The following REPS2 variants were observed in gnomAD, a reference collection of about 807,000 sequenced individuals.
REPS2 encodes the protein ralBP1-associated Eps domain-containing protein 2.
Under a neutral mutation model 53.6 loss-of-function variants are expected in REPS2, and 23 were observed. That is an observed-to-expected ratio of 0.43 (90% CI 0.31 to 0.61). The LOEUF is 0.61. REPS2 is among the 20% of genes least tolerant of loss of function. The pLI is 0.11. For missense variants in REPS2, 446 were observed against 534.9 expected (o/e 0.83, Z 1.64); for synonymous variants, 238 against 218.6 (o/e 1.09, Z -0.78).
rs2063543391 is a variant in REPS2 at position 17,149,061 on chromosome X, A to G, written c.*1580A>G. On this transcript the variant is annotated 3_prime_UTR_variant, in exon 18 of 18. Coordinates refer to ENST00000357277, the MANE Select transcript of REPS2 (RefSeq NM_004726.3). ...CAGATGATGTTTTTTCCACAGAAAA[A>G]CAAATTGTTGAATCTATTCCGTGCA... is the stretch of plus-strand genomic sequence containing the variant. 2.8e-6 allele frequency: 1 copy of G among 353,182 alleles called. No homozygotes were observed. The highest frequency in any genetic ancestry group is 2.6e-5 in the African/African-American group (1 of 38,445). 29.1% of individuals were successfully genotyped at this position (353,182 alleles called of 1,213,427 possible).
At chrX:17,034,060 G>A (rs2061737935) in intron 5 of REPS2, among the ~76,000 whole-genome samples, 1 of 111,705 alleles carries the variant, frequency 9.0e-6, no homozygotes, top group Admixed American at 9.5e-5. Flanking sequence ...TCTTGTATAT[G>A]CGATGTTTCC....
At chrX:17,019,626 C>T (rs1184432087) in intron 2 of REPS2, among the ~76,000 whole-genome samples, 3 of 110,977 alleles carry the variant, frequency 2.7e-5, no homozygotes, top group Non-Finnish European at 3.8e-5. Context: ...GAATTTGAGA[C>T]CTGTCTGGGC....
chrX:17,053,344 T>G (rs2097773921), intron 7 of REPS2, among the ~76,000 whole-genome samples: 1 of 111,343 alleles, frequency 9.0e-6, no homozygotes. Flanking sequence ...TTTACAAGCC[T>G]TATATTAGTT....
At chrX:16,952,220 C>T (rs1318550389) in intron 1 of REPS2, among the ~76,000 whole-genome samples, 2 of 111,289 alleles carry the variant, frequency 1.8e-5, no homozygotes, top group Non-Finnish European at 3.8e-5. Flanking sequence ...AATGCTATCT[C>T]TCCCCTAGCC....
intron 3 of REPS2, among the ~76,000 whole-genome samples, chrX:17,023,309 TC>T (rs976943747): frequency 9.1e-6 from 1 of 110,297 alleles, no homozygotes; most frequent in African/African-American, 3.3e-5. Flanking sequence ...GTGCCTGTAG[TC>T]CCAGCTACTT....
chrX:17,071,076 T>C (rs2062297257), intron 11 of REPS2, among the ~76,000 whole-genome samples: 1 of 112,311 alleles, frequency 8.9e-6, no homozygotes, highest in Non-Finnish European at 1.9e-5. Flanking sequence ...TGCTACAAAA[T>C]AGAAAATTAA....
chrX:17,113,928 C>T (rs1352246682), intron 14 of REPS2, among the ~76,000 whole-genome samples: 1 of 112,215 alleles, frequency 8.9e-6, no homozygotes, highest in East Asian at 2.8e-4. Context: ...AAGAACAATA[C>T]AGACCACCTT....
intron 4 of REPS2, among the ~76,000 whole-genome samples, chrX:17,025,575 T>G (rs2061633396): frequency 8.9e-6 from 1 of 112,142 alleles, no homozygotes; most frequent in South Asian, 3.7e-4. Context: ...TCTTAAGAAA[T>G]ATAACTGCAA....
At chrX:17,083,274 C>T (rs983169736) in intron 13 of REPS2, among the ~76,000 whole-genome samples, 6 of 109,233 alleles carry the variant, frequency 5.5e-5, no homozygotes, top group South Asian at 4.0e-4. Context: ...TTAGTAGAGA[C>T]GGGGTTTCAC....
intron 14 of REPS2, among the ~76,000 whole-genome samples, chrX:17,109,514 A>T (rs1239047471): frequency 6.3e-5 from 7 of 111,291 alleles, no homozygotes; most frequent in Admixed American, 9.5e-5. Context: ...AGGTCAGCTT[A>T]GGGGATGTAC....
At chrX:17,187,585 C>G in the REPS2 span, among the ~76,000 whole-genome samples, 1 of 112,225 alleles carries the variant, frequency 8.9e-6, no homozygotes, top group Non-Finnish European at 1.9e-5. Context: ...TGGACAGGCT[C>G]CAGAAATTAC....
intron 2 of REPS2, among the ~76,000 whole-genome samples, chrX:17,019,835 C>CA (rs961375333): frequency 1.2e-4 from 13 of 110,627 alleles, no homozygotes; most frequent in African/African-American, 3.0e-4. Context: ...AAACAAAAAC[C>CA]AAAAAAAACA....
chrX:17,083,386 G>A (rs2062486808), intron 13 of REPS2, among the ~76,000 whole-genome samples: 1 of 111,078 alleles, frequency 9.0e-6, no homozygotes, highest in Non-Finnish European at 1.9e-5. Context: ...GCCCAGCCCC[G>A]AGCACTCTTT....
chrX:17,049,694 A>G (rs761024936), intron 6 of REPS2, among the ~76,000 whole-genome samples: 2 of 111,192 alleles, frequency 1.8e-5, no homozygotes, highest in African/African-American at 6.5e-5. Flanking sequence ...CATCATGAAG[A>G]ATGGGGTATC....
chrX:17,151,956 A>C lies in REPS2; in HGVS notation c.*4475A>C, dbSNP rs928862747. On this transcript the variant is annotated 3_prime_UTR_variant, in exon 18 of 18. Transcript: ENST00000357277. ...TTTGTGTTTTTGGAGTCCTCAGCTC[A>C]CATGTCTTGTTCCTCCTTCAGCACA... is the stretch of plus-strand genomic sequence containing the variant. 1 of 109,155 alleles carries C rather than the reference A, an allele frequency of 9.2e-6. No homozygotes were observed. The highest frequency in any genetic ancestry group is 3.3e-5 in the African/African-American group (1 of 29,860). The allele number at this position is 109,155 out of a possible 1,213,427, so 9.0% of individuals were successfully genotyped here.
intron 6 of REPS2, 28 bp from the exon 7 acceptor site, chrX:17,052,354 G>A: frequency 8.6e-7 from 1 of 1,167,100 alleles, no homozygotes; most frequent in African/African-American, 1.8e-5. Context: ...AGTAATTAAT[G>A]GTTTATTTAA....
chrX:17,106,638 T>A (rs1184779446), intron 14 of REPS2, among the ~76,000 whole-genome samples: 1 of 110,420 alleles, frequency 9.1e-6, no homozygotes, highest in East Asian at 2.8e-4. Flanking sequence ...ATGATCTCGA[T>A]CTCCTGACCT....
chrX:17,126,517 A>G (rs2063213027), intron 14 of REPS2, among the ~76,000 whole-genome samples: 1 of 112,605 alleles, frequency 8.9e-6, no homozygotes, highest in African/African-American at 3.2e-5. Flanking sequence ...ATGAAACCAA[A>G]TAAATTTGGG....
At chrX:17,078,997 C>T (rs1299688430) in intron 13 of REPS2, among the ~76,000 whole-genome samples, 3 of 111,918 alleles carry the variant, frequency 2.7e-5, no homozygotes, top group Non-Finnish European at 3.8e-5. Context: ...ATTCCTTATC[C>T]AAAATACTTG....
Sources: gnomAD v4.1 joint callset for allele counts (sites outside exome capture counted in the v4.1 genomes callset) on GRCh38, gnomAD v4.1.1 for gene constraint, MANE v1.5 for transcripts, NCBI Gene and HGNC (gene_info 2026-07-23, HGNC 2026-07-21) for gene names.